PTPRE: variants seen among roughly 807,000 people sequenced by gnomAD.
The protein encoded by PTPRE is protein tyrosine phosphatase receptor type E.
In PTPRE, 51 loss-of-function variants were observed where a neutral mutation model predicts 102.0. That is an observed-to-expected ratio of 0.50 (90% confidence interval 0.40 to 0.63). The LOEUF is 0.63. PTPRE is among the 30% of genes least tolerant of loss of function. The probability of loss-of-function intolerance (pLI) is 0.00; values close to 1 mark genes in which losing one functional copy is unlikely to be tolerated. For synonymous variants in PTPRE, 345 were observed against 348.2 expected (o/e 0.99, Z 0.10); for missense variants, 752 against 915.1 (o/e 0.82, Z 2.30).
At chr10:128,057,217 CAA>C (rs35277095) in intron 7 of PTPRE, among the ~76,000 whole-genome samples, 15 of 141,126 alleles carry the variant, frequency 1.1e-4, no homozygotes, top group African/African-American at 1.3e-4. Context: ...AACTCCATCT[CAA>C]AAAAAAAAAA....
intron 1 of PTPRE, chr10:127,929,290 A>G (rs527240048): frequency 4.6e-5 from 7 of 152,346 alleles, no homozygotes; most frequent in Admixed American, 4.6e-4. Context: ...GTGAACTTAC[A>G]TATCCCTTAA....
At chr10:128,002,838 C>A (rs939563971) in intron 2 of PTPRE, among the ~76,000 whole-genome samples, 3 of 151,342 alleles carry the variant, frequency 2.0e-5, no homozygotes, top group African/African-American at 7.3e-5. Context: ...GGACCACAGG[C>A]GTGCACCACC....
intron 3 of PTPRE, among the ~76,000 whole-genome samples, chr10:128,041,649 A>C (rs1847712654): frequency 2.3e-4 from 2 of 8,572 alleles, no homozygotes; most frequent in Admixed American, 2.0e-3. Context: ...TACGTCTCAA[A>C]AAAAAAAAAA....
chr10:127,909,350 G>C (rs1845709016), intron 1 of PTPRE, among the ~76,000 whole-genome samples: 1 of 152,188 alleles, frequency 6.6e-6, no homozygotes. Flanking sequence ...TTCAACTGGT[G>C]AAAGTATGCT....
At chr10:128,021,346 G>T (rs1197308324) in intron 2 of PTPRE, among the ~76,000 whole-genome samples, 1 of 152,188 alleles carries the variant, frequency 6.6e-6, no homozygotes, top group African/African-American at 2.4e-5. Flanking sequence ...GGGGGCAGGG[G>T]TGTGCTCCCC....
At chr10:128,041,308 T>G (rs1847672462) in intron 3 of PTPRE, among the ~76,000 whole-genome samples, 2 of 152,018 alleles carry the variant, frequency 1.3e-5, no homozygotes, top group Admixed American at 1.3e-4. Flanking sequence ...AAACCAACCA[T>G]GAACATACAT....
intron 11 of PTPRE, among the ~76,000 whole-genome samples, 170 bp from the exon 12 acceptor site, chr10:128,067,953 G>A (rs1020376644): frequency 3.9e-5 from 6 of 152,212 alleles, no homozygotes; most frequent in Admixed American, 3.3e-4. Flanking sequence ...GTTCAGAGTC[G>A]GCAGGGGTAA....
chr10:128,032,319 A>T (rs1846829097), intron 2 of PTPRE, among the ~76,000 whole-genome samples: 1 of 152,100 alleles, frequency 6.6e-6, no homozygotes, highest in Non-Finnish European at 1.5e-5. Flanking sequence ...CCTGGCTGAA[A>T]ATTAAACTTT....
At chr10:128,071,726 T>TC (rs1850784256) in intron 15 of PTPRE, 1 of 167,518 alleles carries the variant, frequency 6.0e-6, no homozygotes. Context: ...CAGCAGGGTC[T>TC]CCCCGAGCAC....
rs558919085 is a variant in PTPRE at position 128,002,101 on chromosome 10, C to T, written c.-8+19805C>T. Among the ~76,000 whole-genome samples, 3 of 152,336 alleles carry T rather than the reference C, an allele frequency of 2.0e-5. No homozygotes were observed. In the South Asian group the frequency reaches 6.2e-4, roughly 32 times the overall value. The stretch of plus-strand genomic sequence containing the variant: ...GCCGTGCCGAGGCAGGACTGTGAGC[C>T]CCAGTTGTGGGGACCTCCGGGGCAG... On this transcript the variant is annotated intron_variant, in intron 2 of 20. Coordinates refer to ENST00000254667, the MANE Select transcript of PTPRE (RefSeq NM_006504.6).
chr10:127,956,071 G>A (rs1024510244), intron 1 of PTPRE, among the ~76,000 whole-genome samples: 1 of 152,104 alleles, frequency 6.6e-6, no homozygotes, highest in Admixed American at 6.5e-5. Flanking sequence ...TTGGTTGTAC[G>A]CAGGATAGCT....
At chr10:127,908,954 T>G (rs2135116809) in intron 1 of PTPRE, among the ~76,000 whole-genome samples, 1 of 152,338 alleles carries the variant, frequency 6.6e-6, no homozygotes, top group South Asian at 2.1e-4. Flanking sequence ...GTCAAACCAG[T>G]TGAGGGAAGT....
At chr10:128,036,360 T>C (rs1182157875) in intron 2 of PTPRE, among the ~76,000 whole-genome samples, 1 of 151,686 alleles carries the variant, frequency 6.6e-6, no homozygotes, top group Non-Finnish European at 1.5e-5. Flanking sequence ...CTACAGACAG[T>C]CTCCCCAGGA....
intron 2 of PTPRE, among the ~76,000 whole-genome samples, chr10:127,991,793 C>CAGAACCCT (rs1440402358): frequency 1.4e-4 from 21 of 152,172 alleles, no homozygotes; most frequent in Non-Finnish European, 2.5e-4. Flanking sequence ...AGGGATCTGG[C>CAGAACCCT]AATCCTTTCT....
chr10:127,999,719 T>G (rs1853672898), intron 2 of PTPRE: 1 of 984,488 alleles, frequency 1.0e-6, no homozygotes, highest in Non-Finnish European at 1.2e-6. Context: ...AGATGAGCGG[T>G]CTCTCCTGTA....
chr10:128,013,573 C>G (rs776719232), intron 2 of PTPRE, among the ~76,000 whole-genome samples: 1 of 152,140 alleles, frequency 6.6e-6, no homozygotes, highest in Non-Finnish European at 1.5e-5. Context: ...GATTTATATG[C>G]TGAAATCTGA....
chr10:128,042,350 C>T (rs1377263675), intron 3 of PTPRE, among the ~76,000 whole-genome samples: 1 of 152,188 alleles, frequency 6.6e-6, no homozygotes, highest in Non-Finnish European at 1.5e-5. Flanking sequence ...GACGTCCACT[C>T]CACATCTGAG....
chr10:128,076,749 T>TAAACGCTTG, intron 18 of PTPRE, 21 bp downstream of exon 18: 1 of 1,609,228 alleles, frequency 6.2e-7, no homozygotes, highest in Non-Finnish European at 8.5e-7. Context: ...AGTAGCTCTT[T>TAAACGCTTG]AAACGCTTGT....
At chr10:128,075,232 A>G (rs1176174041) in intron 17 of PTPRE, among the ~76,000 whole-genome samples, 1 of 152,212 alleles carries the variant, frequency 6.6e-6, no homozygotes. Context: ...TGTCATGGGC[A>G]CTTGAGTTGG....
Sources: allele counts gnomAD v4.1 joint callset (sites outside exome capture counted in the v4.1 genomes callset), GRCh38; gene constraint gnomAD v4.1.1; transcripts MANE v1.5; gene names NCBI Gene and HGNC (gene_info 2026-07-23, HGNC 2026-07-21).